The following PTPRD variants were observed in gnomAD, a reference collection of about 807,000 sequenced individuals.
PTPRD encodes the protein protein tyrosine phosphatase receptor type D, also known as receptor-type tyrosine-protein phosphatase delta.
PTPRD carries 34 observed loss-of-function variants against 214.5 expected under a neutral mutation model. That is an observed-to-expected ratio of 0.16 (90% CI 0.12 to 0.21). The LOEUF (loss-of-function observed/expected upper bound fraction) is 0.21, where lower values mean the gene tolerates loss of function less well. Ranked by LOEUF, PTPRD falls within the 10% of genes least tolerant of loss-of-function variation. The pLI, the probability that PTPRD is intolerant of heterozygous loss-of-function variation, is 1.00. For synonymous variants in PTPRD, 1,128 were observed against 845.7 expected, an observed-to-expected ratio of 1.33 and a Z score of -5.79; for missense variants, 2,545 against 2,398.7, an observed-to-expected ratio of 1.06 and a Z score of -1.27.
At chr9:8,657,812 C>T (rs77254590) in intron 12 of PTPRD, among the ~76,000 whole-genome samples, 2,108 of 152,206 alleles carry the variant, frequency 0.014, 37 homozygotes, top group African/African-American at 0.048. Context: ...TAAAGGCACA[C>T]AGTAGTCTCT....
chr9:10,195,991 G>T (rs1449430934), intron 3 of PTPRD, among the ~76,000 whole-genome samples: 1 of 152,118 alleles, frequency 6.6e-6, no homozygotes, highest in African/African-American at 2.4e-5. Context: ...TCCAAGGACT[G>T]GACTGGAAGT....
intron 3 of PTPRD, among the ~76,000 whole-genome samples, chr9:10,299,941 G>A (rs1377453093): frequency 6.6e-6 from 1 of 151,954 alleles, no homozygotes; most frequent in Non-Finnish European, 1.5e-5. Flanking sequence ...AGAAAACTTG[G>A]TGTACTAATC....
In PTPRD at chr9:10,338,731, G is replaced by C. The variant is rs924560808; in HGVS notation, c.-545+2232C>G. Among the ~76,000 whole-genome samples the C allele has an allele frequency of 2.0e-5, 3 of 151,682 alleles. No homozygotes were observed. In the South Asian group the frequency reaches 6.2e-4, roughly 31 times the overall value. ...TTAATATGTATTGACTTAGCAAAAA[G>C]AACTCTAATGGCAAAGGCATTGCTT... On this transcript the variant is annotated intron_variant, in intron 3 of 45. Transcript: ENST00000381196.
chr9:9,335,097 C>A (rs1352231514), intron 9 of PTPRD, among the ~76,000 whole-genome samples: 2 of 151,982 alleles, frequency 1.3e-5, no homozygotes, highest in African/African-American at 4.8e-5. Flanking sequence ...TTAATATTCT[C>A]CAACTGACAA....
At chr9:9,993,833 A>G (rs1202885190) in intron 4 of PTPRD, among the ~76,000 whole-genome samples, 4 of 152,198 alleles carry the variant, frequency 2.6e-5, no homozygotes, top group Non-Finnish European at 5.9e-5. Flanking sequence ...TTTCTCCACC[A>G]ATGAGATTTT....
intron 8 of PTPRD, among the ~76,000 whole-genome samples, chr9:9,434,164 A>T (rs1307168562): frequency 2.6e-5 from 4 of 152,194 alleles, no homozygotes; most frequent in African/African-American, 4.8e-5. Flanking sequence ...AACTGAATCA[A>T]TGAAAACTAA....
chr9:8,699,097 A>G (rs920625933), intron 12 of PTPRD, among the ~76,000 whole-genome samples: 3 of 152,194 alleles, frequency 2.0e-5, no homozygotes, highest in African/African-American at 7.2e-5. Flanking sequence ...TTTTTTCAGA[A>G]TTCCTGAATA....
chr9:10,587,115 G>C lies in PTPRD; in HGVS notation c.-600+25283C>G, dbSNP rs555829304. Among the ~76,000 whole-genome samples, 198 of 152,118 alleles carry C rather than the reference G, an allele frequency of 1.3e-3. 1 individual carries two copies. Among genetic ancestry groups the C allele is most frequent in the Non-Finnish European group, 2.1e-3 (145 of 67,944 alleles). ...TGTTATTACATGGATAAAGTGAAGTGGTGAAGGTGTAATCATGAAAAGACC... is the reference window on the plus strand; with the variant it reads ...TGTTATTACATGGATAAAGTGAAGTCGTGAAGGTGTAATCATGAAAAGACC... On this transcript the variant is annotated intron_variant, in intron 2 of 45. Coordinates refer to ENST00000381196, the MANE Select transcript of PTPRD (RefSeq NM_002839.4).
rs1288406639 is a variant in PTPRD, at chr9:9,201,506, G to T, written c.-202-18143C>A. 3.9e-5 allele frequency among the ~76,000 whole-genome samples: 6 copies of T among 152,062 alleles called. No individual in the cohort carries two copies. In the South Asian group the frequency reaches 1.0e-3, roughly 26 times the overall value. ...TAGTATGTCTTTAATAAGGCAATAG[G>T]ATAGGATAGGACATACATGGGGAAT... On this transcript the variant is annotated intron_variant, in intron 9 of 45. Transcript: ENST00000381196.
chr9:10,040,522 A>G (rs2097276950), intron 3 of PTPRD, among the ~76,000 whole-genome samples: 1 of 152,040 alleles, frequency 6.6e-6, no homozygotes, highest in Non-Finnish European at 1.5e-5. Context: ...CCAAATAACC[A>G]TTAGTGATCC....
intron 11 of PTPRD, among the ~76,000 whole-genome samples, chr9:8,780,597 G>C (rs1242220479): frequency 6.6e-6 from 1 of 152,130 alleles, no homozygotes; most frequent in Admixed American, 6.5e-5. Context: ...CTCTCTGTGA[G>C]GTACCCGAAG....
At chr9:9,473,405 T>C (rs2094774800) in intron 8 of PTPRD, among the ~76,000 whole-genome samples, 1 of 152,210 alleles carries the variant, frequency 6.6e-6, no homozygotes, top group Admixed American at 6.5e-5. Flanking sequence ...CCATATCTTG[T>C]CTATTGCGAA....
At chr9:10,401,408 T>C (rs987597556) in intron 2 of PTPRD, among the ~76,000 whole-genome samples, 23 of 151,324 alleles carry the variant, frequency 1.5e-4, no homozygotes, top group African/African-American at 5.3e-4. Context: ...GTCCAGAACA[T>C]GTCTTTCCAA....
At chr9:9,834,866 T>C (rs2056259702) in intron 5 of PTPRD, among the ~76,000 whole-genome samples, 2 of 152,040 alleles carry the variant, frequency 1.3e-5, no homozygotes. Context: ...CCAGATGTGG[T>C]TTCTTTCCTG....
chr9:8,871,892 A>T (rs1033680789), intron 11 of PTPRD, among the ~76,000 whole-genome samples: 7 of 152,194 alleles, frequency 4.6e-5, no homozygotes, highest in Admixed American at 4.6e-4. Context: ...AAATGAAGAT[A>T]TTTGGCTGTA....
chr9:10,605,508 T>A (rs754562676), intron 2 of PTPRD, among the ~76,000 whole-genome samples: 1 of 151,772 alleles, frequency 6.6e-6, no homozygotes, highest in African/African-American at 2.4e-5. Context: ...GAGAAGATGA[T>A]GAAGGGTGCC....
At chr9:10,102,834 CT>C (rs1298146506) in intron 3 of PTPRD, among the ~76,000 whole-genome samples, 1 of 151,656 alleles carries the variant, frequency 6.6e-6, no homozygotes. Context: ...CACTTACATT[CT>C]AGTCAAATTC....
intron 11 of PTPRD, among the ~76,000 whole-genome samples, chr9:9,004,620 A>G (rs1462341661): frequency 6.6e-6 from 1 of 152,034 alleles, no homozygotes; most frequent in Non-Finnish European, 1.5e-5. Flanking sequence ...GTGAAAAAGT[A>G]CCAGGAAAAA....
At chr9:8,858,521 C>A (rs556470785) in intron 11 of PTPRD, among the ~76,000 whole-genome samples, 1 of 152,110 alleles carries the variant, frequency 6.6e-6, no homozygotes, top group Non-Finnish European at 1.5e-5. Context: ...CCAGGAAAGT[C>A]ATTGGAAAGG....
Sources: gnomAD v4.1 joint callset for allele counts (sites outside exome capture counted in the v4.1 genomes callset) on GRCh38, gnomAD v4.1.1 for gene constraint, MANE v1.5 for transcripts, NCBI Gene and HGNC (gene_info 2026-07-23, HGNC 2026-07-21) for gene names.